Variants in SNX4 observed in about 807,000 individuals in gnomAD.
SNX4 encodes sorting nexin 4.
In SNX4, 49 loss-of-function variants were observed where a neutral mutation model predicts 70.8. The ratio of observed to expected loss-of-function variants is 0.69; its 90% CI spans 0.55 to 0.88. The LOEUF is 0.88. SNX4 is among the 40% of genes least tolerant of loss of function. The probability of loss-of-function intolerance (pLI) is 0.00; values close to 1 mark genes in which losing one functional copy is unlikely to be tolerated. For synonymous variants in SNX4, 206 were observed against 183.8 expected (o/e 1.12, Z -0.98); for missense variants, 528 against 544.8 (o/e 0.97, Z 0.31).
At chr3:125,454,006 A>G in intron 11 of SNX4, 51 bp from the exon 12 acceptor site, 1 of 1,470,836 alleles carries the variant, frequency 6.8e-7, no homozygotes, top group Admixed American at 1.8e-5. Context: ...CGGCATACAC[A>G]TACACATACA....
chr3:125,469,295 C>T, intron 9 of SNX4, 159 bp downstream of exon 9: 2 of 475,186 alleles, frequency 4.2e-6, no homozygotes, highest in Middle Eastern at 2.9e-4. Context: ...AAATGTTAAA[C>T]TAACTTTGCA....
chr3:125,470,662 C>A (rs1253029158), intron 8 of SNX4, among the ~76,000 whole-genome samples: 1 of 151,904 alleles, frequency 6.6e-6, no homozygotes, highest in East Asian at 1.9e-4. Flanking sequence ...CCAAGAATGC[C>A]TGAAAGTCAA....
At chr3:125,488,518 C>T (rs966056987) in intron 6 of SNX4, among the ~76,000 whole-genome samples, 2 of 152,084 alleles carry the variant, frequency 1.3e-5, no homozygotes, top group Non-Finnish European at 2.9e-5. Flanking sequence ...GTTACCATCA[C>T]AACCTCCTAA....
intron 1 of SNX4, among the ~76,000 whole-genome samples, chr3:125,514,178 T>C (rs908821335): frequency 6.6e-6 from 1 of 152,080 alleles, no homozygotes; most frequent in African/African-American, 2.4e-5. Context: ...ACAGAAACAT[T>C]CAATCCAAAG....
At chr3:125,479,297 T>C (rs935421566) in intron 7 of SNX4, among the ~76,000 whole-genome samples, 6 of 152,284 alleles carry the variant, frequency 3.9e-5, no homozygotes, top group Middle Eastern at 3.4e-3. Flanking sequence ...CTCATGACTA[T>C]AATCCCAGCT....
intron 5 of SNX4, among the ~76,000 whole-genome samples, chr3:125,495,347 T>C (rs1934771205): frequency 1.4e-5 from 2 of 148,128 alleles, no homozygotes; most frequent in South Asian, 4.3e-4. Flanking sequence ...TACACATGTA[T>C]ATGAGGCTAT....
chr3:125,452,436 T>C (rs948649386), intron 12 of SNX4, among the ~76,000 whole-genome samples: 2 of 151,944 alleles, frequency 1.3e-5, no homozygotes, highest in Admixed American at 1.3e-4. Context: ...TTTAAAAACT[T>C]TTTTAGCCAG....
intron 6 of SNX4, among the ~76,000 whole-genome samples, chr3:125,486,061 G>A (rs938578606): frequency 2.6e-5 from 4 of 152,152 alleles, no homozygotes; most frequent in South Asian, 4.2e-4. Context: ...GGTGGGTCTC[G>A]AGCTCCTGAC....
intron 1 of SNX4, among the ~76,000 whole-genome samples, chr3:125,510,475 C>T (rs567525837): frequency 3.1e-4 from 47 of 152,204 alleles, no homozygotes; most frequent in South Asian, 1.0e-3. Context: ...GTGATCCACC[C>T]GCCTCAGCCT....
chr3:125,500,131 C>T (rs1454918354), intron 2 of SNX4, among the ~76,000 whole-genome samples: 1 of 151,568 alleles, frequency 6.6e-6, no homozygotes, highest in East Asian at 1.9e-4. Flanking sequence ...TATAAACTGA[C>T]TAAAAGCACA....
Position 125,457,338 on chromosome 3 carries a change from C to A in SNX4, c.972G>T (p.Met324Ile). Residue 324 changes from methionine to isoleucine, a missense_variant, in exon 11 of 14, where the codon ATG becomes ATT. Physicochemically the swap from Met to Ile is conservative, Grantham distance 10 (BLOSUM62 1). This residue lies in a region of SNX4 where 159 missense variants were observed against 172.6 expected (regional missense o/e 0.92). Coordinates refer to ENST00000251775, the MANE Select transcript of SNX4 (RefSeq NM_003794.4). ...GAGCAGCCATCTCCAAGTCATACTGCATAAGTTCATGTTTCCTGCACACAG... is the reference window on the plus strand; with the variant it reads ...GAGCAGCCATCTCCAAGTCATACTGAATAAGTTCATGTTTCCTGCACACAG... ...LRAVCRKHEL[M>I]QYDLEMAAQD... The A allele has an allele frequency of 6.2e-7, 1 of 1,613,982 alleles. No homozygotes were observed.
chr3:125,476,810 TA>T (rs1934298934), intron 7 of SNX4, 54 bp from the exon 8 acceptor site: 8 of 1,078,450 alleles, frequency 7.4e-6, no homozygotes, highest in East Asian at 2.5e-5. Context: ...TATCCTCATC[TA>T]AAAAATAGAC....
intron 1 of SNX4, among the ~76,000 whole-genome samples, chr3:125,518,916 G>C (rs1482993465): frequency 6.6e-6 from 1 of 152,128 alleles, no homozygotes; most frequent in African/African-American, 2.4e-5. Flanking sequence ...AGGTAGCTGA[G>C]GGATGAGAAT....
intron 1 of SNX4, among the ~76,000 whole-genome samples, chr3:125,509,620 G>A (rs537502342): frequency 6.6e-6 from 1 of 151,954 alleles, no homozygotes; most frequent in East Asian, 1.9e-4. Flanking sequence ...GGGTGTGGTG[G>A]TGAGTTGCCT....
chr3:125,517,567 G>C (rs1182990817), intron 1 of SNX4, among the ~76,000 whole-genome samples: 3 of 152,148 alleles, frequency 2.0e-5, no homozygotes, highest in Non-Finnish European at 4.4e-5. Context: ...GGGAGAGGAG[G>C]GGAAGGGGAA....
At chr3:125,467,556 C>A (rs1934060043) in intron 9 of SNX4, among the ~76,000 whole-genome samples, 1 of 151,844 alleles carries the variant, frequency 6.6e-6, no homozygotes, top group Non-Finnish European at 1.5e-5. Flanking sequence ...TCACGCTAGT[C>A]AGAATGGTTA....
At position 125,519,943 on chromosome 3, in the gene SNX4, GGCCCGGCCCAGCCCAGCCCA is replaced by G. The variant is rs1284158583; in HGVS notation, c.141+69_141+88del. 67 of 1,011,072 alleles carry G rather than the reference GGCCCGGCCCAGCCCAGCCCA, an allele frequency of 6.6e-5. No homozygotes were observed. In the East Asian group the frequency reaches 2.2e-3, roughly 33 times the overall value. The allele number at this position is 1,011,072 out of a possible 1,614,324, so 62.6% of individuals were successfully genotyped here. On this transcript the variant is annotated intron_variant, in intron 1 of 13. Transcript: ENST00000251775. ...CCTCCTCGGCCGAGCCCACTGGCCC[GGCCCGGCCCAGCCCAGCCCA>G]GCCCAGCCCAGCCCGGCCCGCTAGG...
At chr3:125,465,199 C>T (rs1933981227) in intron 9 of SNX4, among the ~76,000 whole-genome samples, 1 of 152,008 alleles carries the variant, frequency 6.6e-6, no homozygotes, top group African/African-American at 2.4e-5. Context: ...TAACTTTATG[C>T]CAATACCTCA....
At chr3:125,481,865 C>T (rs373328529) in intron 6 of SNX4, among the ~76,000 whole-genome samples, 2 of 152,042 alleles carry the variant, frequency 1.3e-5, no homozygotes, top group Admixed American at 6.6e-5. Flanking sequence ...TGCTGGTAGT[C>T]CTCAGGTTAT....
Sources: allele counts gnomAD v4.1 joint callset (sites outside exome capture counted in the v4.1 genomes callset), GRCh38; gene constraint gnomAD v4.1.1; regional missense constraint gnomAD v4.1.1; transcripts MANE v1.5; gene names NCBI Gene and HGNC (gene_info 2026-07-23, HGNC 2026-07-21).